FAM174B: variants seen among roughly 807,000 people sequenced by gnomAD.
The protein encoded by FAM174B is membrane protein FAM174B.
Under a neutral mutation model 10.9 loss-of-function variants are expected in FAM174B, and 12 were observed. The ratio of observed to expected loss-of-function variants is 1.10; its 90% CI spans 0.71 to 1.79. FAM174B has a LOEUF of 1.79. Among genes scored for constraint, FAM174B ranks in the 40% most tolerant of loss-of-function variants. FAM174B has a pLI of 0.00. For missense variants in FAM174B, 266 were observed against 233.3 expected (o/e 1.14, Z -0.91); for synonymous variants, 132 against 115.8 (o/e 1.14, Z -0.90).
chr15:92,635,345 C>A (rs192255545), intron 1 of FAM174B, among the ~76,000 whole-genome samples: 1 of 152,244 alleles, frequency 6.6e-6, no homozygotes, highest in Non-Finnish European at 1.5e-5. Flanking sequence ...ACTCTCTTTA[C>A]AAAAGAAGAG....
rs2050698294 is a variant in FAM174B at position 92,618,837 on chromosome 15, TTTTA to T, written c.*615_*618del. 6 of 133,310 alleles carry T rather than the reference TTTTA, an allele frequency of 4.5e-5. No individual in the cohort carries two copies. In the East Asian group the frequency reaches 6.7e-4, roughly 15 times the overall value. The allele number at this position is 133,310 out of a possible 1,614,324, so 8.3% of individuals were successfully genotyped here. A position where few individuals can be genotyped will look rare whatever the true frequency, so the allele number is the denominator to read the frequency against. ...CTGATTTCTGCTGAACCTTTTTTTT[TTTTA>T]AAAAAAAAAAAAAAGGAAGAAAGAA... On this transcript the variant is annotated 3_prime_UTR_variant, in exon 3 of 3. Transcript: ENST00000327355.
chr15:92,655,644 G>A lies in FAM174B; in HGVS notation c.16C>T (p.Leu6=). The stretch of plus-strand genomic sequence containing the variant: ...AGCAGCGGCAGGAGCGGGGCGGGCA[G>A]CGGCACGGCGCGCATAGTGCGGTGG... MRAVP[L]PAPLLPLLLL... is the part of the protein sequence containing the mutation. Residue 6 remains leucine (L), a synonymous_variant, in exon 1 of 3, where the codon CTG becomes TTG. Transcript: ENST00000327355. 1.6e-6 allele frequency: 2 copies of A among 1,254,446 alleles called. No homozygotes were observed. The highest frequency in any genetic ancestry group is 3.4e-5 in the South Asian group (1 of 29,506). The allele number at this position is 1,254,446 out of a possible 1,614,324, so 77.7% of individuals were successfully genotyped here. A position where few individuals can be genotyped will look rare whatever the true frequency, so the allele number is the denominator to read the frequency against.
chr15:92,624,480 C>T (rs1012301288), intron 2 of FAM174B, among the ~76,000 whole-genome samples: 2 of 152,330 alleles, frequency 1.3e-5, no homozygotes, highest in Middle Eastern at 3.4e-3. Context: ...GCCATGAGGG[C>T]GTCCATGGGG....
Position 92,619,551 on chromosome 15 carries a change from T to TCA in FAM174B, c.477-94_477-93dup, listed in dbSNP as rs1451641322. On this transcript the variant is annotated intron_variant, in intron 2 of 2. Transcript: ENST00000327355. The stretch of plus-strand genomic sequence containing the variant: ...CTGAACATCTCTATCCCTCACCCTC[T>TCA]CAGCCAGTGAAAAGGCCACAGTCCC... 13 of 1,454,600 alleles carry TCA rather than the reference T, an allele frequency of 8.9e-6. No homozygotes were observed. In the Admixed American group the frequency reaches 2.6e-4, roughly 29 times the overall value. The allele number at this position is 1,454,600 out of a possible 1,614,324, so 90.1% of individuals were successfully genotyped here.
Position 92,655,612 on chromosome 15 carries a change from GAGC to G in FAM174B, c.45_47del (p.Leu16del). 2.4e-6 allele frequency: 3 copies of G among 1,273,002 alleles called. No individual in the cohort carries two copies. Among genetic ancestry groups the G allele is most frequent in the Admixed American group, 4.2e-5 (1 of 24,062 alleles). 78.9% of individuals were successfully genotyped at this position (1,273,002 alleles called of 1,614,324 possible). On this transcript the variant is annotated inframe_deletion, in exon 1 of 3. Coordinates refer to ENST00000327355, the MANE Select transcript of FAM174B (RefSeq NM_207446.3). ...GGGCGGCGGGAGCGGCCAGGAGCGC[GAGC>G]AGCAGCAGCGGCAGGAGCGGGGCGG...
chr15:92,654,660 G>C (rs1004551360), intron 1 of FAM174B, among the ~76,000 whole-genome samples: 2 of 152,094 alleles, frequency 1.3e-5, no homozygotes, highest in African/African-American at 2.4e-5. Flanking sequence ...CAGAAAATAA[G>C]GGAGGCCACC....
rs113086779 is a variant in FAM174B at position 92,619,476 on chromosome 15, G to C, written c.477-17C>G. On this transcript the variant is annotated splice_polypyrimidine_tract_variant and intron_variant, in intron 2 of 2. Coordinates refer to ENST00000327355, the MANE Select transcript of FAM174B (RefSeq NM_207446.3). ...AGGTTTTACCTAAAAGAAAGGGAAG[G>C]ACAAGAGTAAGCCCCTTCTGGCAGA... 2.5e-6 allele frequency: 4 copies of C among 1,612,950 alleles called. No homozygotes were observed. Among genetic ancestry groups the C allele is most frequent in the Non-Finnish European group, 3.4e-6 (4 of 1,179,454 alleles).
In FAM174B at chr15:92,632,487, A is replaced by T. The variant is rs182794897; in HGVS notation, c.345-2142T>A. 1.9e-3 allele frequency among the ~76,000 whole-genome samples: 284 copies of T among 152,346 alleles called. 2 individuals are homozygous for T. The highest frequency in any genetic ancestry group is 0.017 in the Admixed American group (265 of 15,308). On this transcript the variant is annotated intron_variant, in intron 1 of 2. Coordinates refer to ENST00000327355, the MANE Select transcript of FAM174B (RefSeq NM_207446.3). ...AGCTGAGATTGCGCCACTGCCCTCC[A>T]GCCTGGGTGACAGAGTGAGACTCCA...
intron 1 of FAM174B, among the ~76,000 whole-genome samples, chr15:92,645,994 T>G (rs2050924502): frequency 6.6e-6 from 1 of 152,058 alleles, no homozygotes; most frequent in Admixed American, 6.6e-5. Flanking sequence ...AACCTATCCC[T>G]TTCCCTGCCT....
At chr15:92,625,061 G>C (rs139403544) in intron 2 of FAM174B, among the ~76,000 whole-genome samples, 2 of 152,162 alleles carry the variant, frequency 1.3e-5, no homozygotes, top group East Asian at 3.9e-4. Context: ...AAAACCCCAG[G>C]GCACTCTTGT....
At position 92,655,592 on chromosome 15, in the gene FAM174B, G is replaced by A; in HGVS notation, c.68C>T (p.Ala23Val). 1 of 1,305,092 alleles carries A rather than the reference G, an allele frequency of 7.7e-7. No homozygotes were observed. The highest frequency in any genetic ancestry group is 2.5e-5 in the South Asian group (1 of 39,504). 80.8% of individuals were successfully genotyped at this position (1,305,092 alleles called of 1,614,324 possible). A position where few individuals can be genotyped will look rare whatever the true frequency, so the allele number is the denominator to read the frequency against. The change falls in exon 1 of 3, where the codon GCC becomes GTC. Residue 23 changes from alanine (A) to valine (V), a missense_variant. By Grantham distance (64) the Ala-to-Val change is moderately conservative. Transcript: ENST00000327355. ...LLLLALLAAP[A>V]ARASRAESVS... Reference sequence around the variant, plus strand: ...GGACTCGGCTCTGCTGGCGCGGGCGGCGGGAGCGGCCAGGAGCGCGAGCAG... The same window carrying A: ...GGACTCGGCTCTGCTGGCGCGGGCGACGGGAGCGGCCAGGAGCGCGAGCAG...
chr15:92,631,242 T>A lies in FAM174B; in HGVS notation c.345-897A>T, dbSNP rs1330494456. Among the ~76,000 whole-genome samples, 2 of 1,188 alleles carry A rather than the reference T, an allele frequency of 1.7e-3. 1 individual carries two copies. The highest frequency in any genetic ancestry group is 9.1e-3 in the Non-Finnish European group (2 of 220). 0.8% of individuals were successfully genotyped at this position (1,188 alleles called of 152,430 possible). On this transcript the variant is annotated intron_variant, in intron 1 of 2. Transcript: ENST00000327355. ...TATATTATATATAATATATTATATA[T>A]TATATTATATATAATATATTATATA...
intron 1 of FAM174B, among the ~76,000 whole-genome samples, chr15:92,648,731 C>T (rs1325883202): frequency 2.6e-5 from 4 of 152,212 alleles, no homozygotes; most frequent in African/African-American, 7.2e-5. Context: ...GCCAGGCCTA[C>T]AAGAGCCCTG....
rs1277069589 is a variant in FAM174B, at chr15:92,647,033, A to G, written c.344+8283T>C. ...TTTGGCTCAGAATAAATCTCTTTAA[A>G]TATTTTACAGAGCTTGACTCTTTTT... On this transcript the variant is annotated intron_variant, in intron 1 of 2. Transcript: ENST00000327355. Among the ~76,000 whole-genome samples the G allele has an allele frequency of 2.0e-5, 3 of 152,218 alleles. No individual in the cohort carries two copies. In the East Asian group the frequency reaches 5.8e-4, roughly 29 times the overall value.
At chr15:92,637,946 C>T (rs375569030) in intron 1 of FAM174B, among the ~76,000 whole-genome samples, 11 of 152,194 alleles carry the variant, frequency 7.2e-5, no homozygotes, top group Non-Finnish European at 1.3e-4. Flanking sequence ...CAGCCCAGTG[C>T]CCCCACGTCC....
intron 2 of FAM174B, among the ~76,000 whole-genome samples, chr15:92,629,674 T>C (rs992387145): frequency 6.6e-6 from 1 of 152,216 alleles, no homozygotes; most frequent in Non-Finnish European, 1.5e-5. Context: ...GCTGGGTTTC[T>C]GGGTGCAGTG....
intron 1 of FAM174B, among the ~76,000 whole-genome samples, chr15:92,635,319 A>G (rs1308978924): frequency 6.6e-6 from 1 of 152,166 alleles, no homozygotes; most frequent in Non-Finnish European, 1.5e-5. Flanking sequence ...TCAAACAATC[A>G]ACTCTCTGAA....
intron 2 of FAM174B, among the ~76,000 whole-genome samples, chr15:92,624,838 C>T (rs1366943470): frequency 1.3e-5 from 2 of 152,184 alleles, no homozygotes; most frequent in Non-Finnish European, 2.9e-5. Context: ...CTTTGGGCTG[C>T]GCCTGTCACA....
chr15:92,623,015 G>A (rs1171371118), intron 2 of FAM174B, among the ~76,000 whole-genome samples: 1 of 152,080 alleles, frequency 6.6e-6, no homozygotes, highest in African/African-American at 2.4e-5. Flanking sequence ...AATTAGCTGG[G>A]CGTGGTGGCA....
Sources: allele counts gnomAD v4.1 joint callset (sites outside exome capture counted in the v4.1 genomes callset), GRCh38; gene constraint gnomAD v4.1.1; transcripts MANE v1.5; gene names NCBI Gene and HGNC (gene_info 2026-07-23, HGNC 2026-07-21).